LAPTM4A: variants seen among roughly 807,000 people sequenced by gnomAD.
The protein encoded by LAPTM4A is lysosomal protein transmembrane 4 alpha, also known as lysosomal-associated transmembrane protein 4A.
Under a neutral mutation model 29.9 loss-of-function variants are expected in LAPTM4A, and 19 were observed. The observed-to-expected ratio is 0.64, with a 90% CI of 0.44 to 0.93. The LOEUF is 0.93. Among genes scored for constraint, LAPTM4A ranks in the 40% least tolerant of loss-of-function variants. The pLI is 0.00. For missense variants in LAPTM4A, 293 were observed against 288.5 expected (o/e 1.02, Z -0.11); for synonymous variants, 105 against 102.1 (o/e 1.03, Z -0.17).
intron 2 of LAPTM4A, among the ~76,000 whole-genome samples, chr2:20,038,746 G>C (rs1367428908): frequency 6.6e-6 from 1 of 152,088 alleles, no homozygotes; most frequent in Non-Finnish European, 1.5e-5. Context: ...GAGAGACTAA[G>C]GTGGGAAAAT....
chr2:20,040,205 C>T (rs528327529), intron 2 of LAPTM4A, among the ~76,000 whole-genome samples: 134 of 152,174 alleles, frequency 8.8e-4, no homozygotes, highest in African/African-American at 3.2e-3. Context: ...GCAACTTCTC[C>T]TTTCTACTAG....
At chr2:20,048,567 T>G (rs1427898553) in intron 1 of LAPTM4A, among the ~76,000 whole-genome samples, 1 of 152,234 alleles carries the variant, frequency 6.6e-6, no homozygotes, top group Non-Finnish European at 1.5e-5. Flanking sequence ...GCAATGAGAC[T>G]GTATCAGATA....
intron 2 of LAPTM4A, among the ~76,000 whole-genome samples, chr2:20,040,540 A>G (rs1673770862): frequency 6.6e-6 from 1 of 152,236 alleles, no homozygotes; most frequent in African/African-American, 2.4e-5. Flanking sequence ...CATTTTGGTC[A>G]ACAATGGACT....
chr2:20,036,226 C>A (rs183510011), intron 4 of LAPTM4A, among the ~76,000 whole-genome samples: 58 of 146,718 alleles, frequency 4.0e-4, no homozygotes, highest in African/African-American at 1.3e-3. Context: ...CCAGGCTTCC[C>A]CACCCTCCCT....
chr2:20,043,758 T>A (rs575611944), intron 1 of LAPTM4A, among the ~76,000 whole-genome samples: 1 of 152,358 alleles, frequency 6.6e-6, no homozygotes, highest in East Asian at 1.9e-4. Context: ...CGTGTATTAC[T>A]TCACTTATTC....
In LAPTM4A at chr2:20,037,352, G is replaced by C; in HGVS notation, c.396C>G (p.Thr132=). The change falls in exon 4 of 7, where the codon ACC becomes ACG. Residue 132 remains threonine (T), a synonymous_variant. Transcript: ENST00000175091. The part of the protein sequence containing the change: ...LSCLVAISSL[T]YLPRIKEYLD... ...GATATTCTTTGATTCTTGGCAAATAGGTGAGAGAACTAATAGCAACCAGGC... is the reference window on the plus strand; with the variant it reads ...GATATTCTTTGATTCTTGGCAAATACGTGAGAGAACTAATAGCAACCAGGC... The C allele has an allele frequency of 6.2e-7, 1 of 1,613,004 alleles. No homozygotes were observed.
At chr2:20,034,074 A>G (rs1173369492) in intron 6 of LAPTM4A, among the ~76,000 whole-genome samples, 1 of 152,192 alleles carries the variant, frequency 6.6e-6, no homozygotes, top group African/African-American at 2.4e-5. Flanking sequence ...CAAACATGAC[A>G]CTAATGAGGA....
intron 1 of LAPTM4A, 38 bp downstream of exon 1, chr2:20,051,372 G>T (rs1195196829): frequency 3.6e-6 from 4 of 1,122,718 alleles, no homozygotes; most frequent in Non-Finnish European, 5.0e-6. Context: ...CCGCTCCCCA[G>T]GCCCCCCGGA....
At chr2:20,039,686 T>C (rs1357867181) in intron 2 of LAPTM4A, among the ~76,000 whole-genome samples, 4 of 151,714 alleles carry the variant, frequency 2.6e-5, no homozygotes, top group East Asian at 2.0e-4. Flanking sequence ...TGCACTCCAG[T>C]TGGGACAACA....
chr2:20,036,247 GC>G (rs1487452282), intron 4 of LAPTM4A, among the ~76,000 whole-genome samples: 1 of 152,178 alleles, frequency 6.6e-6, no homozygotes, highest in Non-Finnish European at 1.5e-5. Flanking sequence ...CTGTGTGCCA[GC>G]CACCATGGCC....
rs766028418 is a variant in LAPTM4A, at chr2:20,040,943, G to A, written c.180C>T (p.Val60=). 2 of 1,613,570 alleles carry A rather than the reference G, an allele frequency of 1.2e-6. No homozygotes were observed. The highest frequency in any genetic ancestry group is 2.2e-5 in the East Asian group (1 of 44,876). The change falls in exon 2 of 7, where the codon GTC becomes GTT. Residue 60 remains valine (V), a synonymous_variant. Coordinates refer to ENST00000175091, the MANE Select transcript of LAPTM4A (RefSeq NM_014713.5). Reference sequence around the variant, plus strand: ...TACCGATGACTTCATACTGAATGTTGACAGCTGGCATGGAGTTTGGATGAG... The same window carrying A: ...TACCGATGACTTCATACTGAATGTTAACAGCTGGCATGGAGTTTGGATGAG... ...EVTHPNSMPA[V]NIQYEVIGNY...
At chr2:20,036,504 T>C (rs754878663) in intron 4 of LAPTM4A, among the ~76,000 whole-genome samples, 19 of 152,228 alleles carry the variant, frequency 1.2e-4, no homozygotes, top group Non-Finnish European at 2.1e-4. Flanking sequence ...GATGCATCTC[T>C]ATGACCTAGC....
chr2:20,049,480 C>T (rs1397583721), intron 1 of LAPTM4A, among the ~76,000 whole-genome samples: 2 of 152,210 alleles, frequency 1.3e-5, no homozygotes, highest in East Asian at 3.8e-4. Flanking sequence ...AAACTCCTCA[C>T]TCCCTATTTT....
At position 20,044,106 on chromosome 2, in the gene LAPTM4A, A is replaced by C. The variant is rs371144198; in HGVS notation, c.112-3095T>G. Among the ~76,000 whole-genome samples, 304 of 152,374 alleles carry C rather than the reference A, an allele frequency of 2.0e-3. 1 individual carries two copies. The highest frequency in any genetic ancestry group is 6.6e-3 in the African/African-American group (276 of 41,598). ...CTTTCAATTCTTGAGAGGACTTACC[A>C]GGAACAATCACTTTTGCAAGGTGGC... On this transcript the variant is annotated intron_variant, in intron 1 of 6. Coordinates refer to ENST00000175091, the MANE Select transcript of LAPTM4A (RefSeq NM_014713.5).
At position 20,051,375 on chromosome 2, in the gene LAPTM4A, C is replaced by A. The variant is rs370017318; in HGVS notation, c.111+35G>T. 11 of 1,414,728 alleles carry A rather than the reference C, an allele frequency of 7.8e-6. No individual in the cohort carries two copies. The African/African-American group carries it at 1.4e-4, about 18-fold the overall frequency. 87.6% of individuals were successfully genotyped at this position (1,414,728 alleles called of 1,614,324 possible). On this transcript the variant is annotated intron_variant, in intron 1 of 6. Coordinates refer to ENST00000175091, the MANE Select transcript of LAPTM4A (RefSeq NM_014713.5). ...CCGCACCAGGCCCCGCTCCCCAGGC[C>A]CCCCGGACATACGCGCCACGCCTGC...
At chr2:20,045,413 T>TA (rs1255641811) in intron 1 of LAPTM4A, among the ~76,000 whole-genome samples, 1 of 149,834 alleles carries the variant, frequency 6.7e-6, no homozygotes, top group Non-Finnish European at 1.5e-5. Flanking sequence ...CAGTGTGCTA[T>TA]AATCATGCCA....
intron 1 of LAPTM4A, among the ~76,000 whole-genome samples, chr2:20,045,343 G>T (rs913639607): frequency 6.6e-6 from 1 of 152,014 alleles, no homozygotes; most frequent in African/African-American, 2.4e-5. Flanking sequence ...GTGTGTGCCT[G>T]TAGTCCCAGC....
At chr2:20,048,775 C>T (rs1248895819) in intron 1 of LAPTM4A, among the ~76,000 whole-genome samples, 1 of 152,206 alleles carries the variant, frequency 6.6e-6, no homozygotes. Flanking sequence ...ACATTTAATA[C>T]TCACTCATCC....
rs751076411 is a variant in LAPTM4A at position 20,040,946 on chromosome 2, A to T, written c.177T>A (p.Ala59=). The T allele has an allele frequency of 6.2e-7, 1 of 1,613,636 alleles. No individual in the cohort carries two copies. The highest frequency in any genetic ancestry group is 8.5e-7 in the Non-Finnish European group (1 of 1,179,504). Residue 59 remains alanine, a synonymous_variant, in exon 2 of 7, where the codon GCT becomes GCA. Transcript: ENST00000175091. ...CGATGACTTCATACTGAATGTTGAC[A>T]GCTGGCATGGAGTTTGGATGAGTCA... ...VEVTHPNSMP[A]VNIQYEVIGN...
Sources: allele counts gnomAD v4.1 joint callset (sites outside exome capture counted in the v4.1 genomes callset), GRCh38; gene constraint gnomAD v4.1.1; transcripts MANE v1.5; gene names NCBI Gene and HGNC (gene_info 2026-07-23, HGNC 2026-07-21).